Variants in AKAP7 observed in about 807,000 individuals in gnomAD.
The protein encoded by AKAP7 is A-kinase anchoring protein 7, also known as A kinase (PRKA) anchor protein 7.
AKAP7 carries 39 observed loss-of-function variants against 39.5 expected under a neutral mutation model. The ratio of observed to expected loss-of-function variants is 0.99; its 90% confidence interval spans 0.76 to 1.29. AKAP7 has a LOEUF of 1.29. Among genes scored for constraint, AKAP7 ranks in the 50% most tolerant of loss-of-function variants. The pLI is 0.00. For synonymous variants in AKAP7, 140 were observed against 139.1 expected, an observed-to-expected ratio of 1.01 and a Z score of -0.05; for missense variants, 414 against 407.7, an observed-to-expected ratio of 1.02 and a Z score of -0.13.
chr6:131,160,439 C>T (rs901356644), intron 3 of AKAP7, among the ~76,000 whole-genome samples: 4 of 152,192 alleles, frequency 2.6e-5, no homozygotes, highest in African/African-American at 9.7e-5. Flanking sequence ...AGTGCAGTGG[C>T]ACAGTCATAG....
intron 5 of AKAP7, among the ~76,000 whole-genome samples, chr6:131,188,291 G>T (rs1806062923): frequency 6.6e-6 from 1 of 152,206 alleles, no homozygotes; most frequent in Non-Finnish European, 1.5e-5. Flanking sequence ...TAAGCAGTAT[G>T]TGGATACAGG....
In AKAP7 at chr6:131,252,884, A is replaced by G. The variant is rs143475802; in HGVS notation, c.851-28646A>G. Among the ~76,000 whole-genome samples the G allele has an allele frequency of 6.0e-3, 907 of 152,326 alleles. 8 individuals are homozygous for G. The highest frequency in any genetic ancestry group is 9.2e-3 in the Non-Finnish European group (628 of 68,046). On this transcript the variant is annotated intron_variant, in intron 7 of 7. Coordinates refer to ENST00000431975, the MANE Select transcript of AKAP7 (RefSeq NM_016377.4). The stretch of plus-strand genomic sequence containing the variant: ...ATGTACTCCTTGAGCATCTACTAAA[A>G]GCAGAGCACAAAAATGTGAATACTC...
At chr6:131,173,494 G>A (rs1804281951) in intron 5 of AKAP7, among the ~76,000 whole-genome samples, 2 of 152,188 alleles carry the variant, frequency 1.3e-5, no homozygotes, top group South Asian at 2.1e-4. Context: ...TTATTATAGT[G>A]TATACTTCTT....
chr6:131,263,193 C>A (rs1434955432), intron 7 of AKAP7, among the ~76,000 whole-genome samples: 1 of 152,214 alleles, frequency 6.6e-6, no homozygotes, highest in Non-Finnish European at 1.5e-5. Context: ...ATGCAAACAA[C>A]ATGAAAGGGG....
At chr6:131,234,804 C>T (rs9492872) in intron 7 of AKAP7, among the ~76,000 whole-genome samples, 4,088 of 150,942 alleles carry the variant, frequency 0.027, 128 homozygotes, top group African/African-American at 0.074. Context: ...ATTACAGTGA[C>T]CCTGGTAGGC....
intron 7 of AKAP7, among the ~76,000 whole-genome samples, chr6:131,270,053 C>A (rs147360294): frequency 1.9e-4 from 29 of 152,270 alleles, no homozygotes; most frequent in African/African-American, 7.0e-4. Flanking sequence ...TGTCCCTCAT[C>A]ATGGGGAAGA....
intron 7 of AKAP7, among the ~76,000 whole-genome samples, chr6:131,266,057 C>A (rs1813773060): frequency 6.6e-6 from 1 of 152,172 alleles, no homozygotes; most frequent in African/African-American, 2.4e-5. Flanking sequence ...CAGCCCCTCA[C>A]CTCCAGAGAT....
chr6:131,263,412 T>C (rs890928460), intron 7 of AKAP7, among the ~76,000 whole-genome samples: 5 of 152,162 alleles, frequency 3.3e-5, no homozygotes, highest in Admixed American at 3.3e-4. Flanking sequence ...TCAAGGAGAA[T>C]GAGTTTCCCT....
chr6:131,280,147 A>G (rs1163632523), intron 7 of AKAP7, among the ~76,000 whole-genome samples: 2 of 152,140 alleles, frequency 1.3e-5, no homozygotes, highest in Admixed American at 1.3e-4. Flanking sequence ...CTGAGTTGAC[A>G]TTTACTCAAT....
rs892726852 is a variant in AKAP7 at position 131,202,569 on chromosome 6, G to A, written c.702+2996G>A. 2.9e-3 allele frequency among the ~76,000 whole-genome samples: 435 copies of A among 148,798 alleles called. 1 individual carries two copies. The highest frequency in any genetic ancestry group is 9.3e-3 in the African/African-American group (375 of 40,326). On this transcript the variant is annotated intron_variant, in intron 6 of 7. Coordinates refer to ENST00000431975, the MANE Select transcript of AKAP7 (RefSeq NM_016377.4). ...GGTGGGAATTGAACAATGAGAACAC[G>A]TGGACACAGGAAGGGGAACATCACA... is the stretch of plus-strand genomic sequence containing the variant.
intron 6 of AKAP7, among the ~76,000 whole-genome samples, chr6:131,216,682 C>T (rs1321988998): frequency 6.6e-6 from 1 of 152,036 alleles, no homozygotes; most frequent in Non-Finnish European, 1.5e-5. Context: ...CGTTTCTTAC[C>T]ACTATTTTAT....
intron 7 of AKAP7, among the ~76,000 whole-genome samples, chr6:131,269,473 A>G (rs1370862521): frequency 6.6e-6 from 1 of 152,214 alleles, no homozygotes; most frequent in Non-Finnish European, 1.5e-5. Flanking sequence ...TCCAACCTGA[A>G]CAAATACAGG....
intron 7 of AKAP7, among the ~76,000 whole-genome samples, chr6:131,229,544 T>TC (rs1184187207): frequency 6.6e-6 from 1 of 152,132 alleles, no homozygotes; most frequent in African/African-American, 2.4e-5. Context: ...AGACAGGGTT[T>TC]CACCACGTTG....
chr6:131,241,642 AG>A (rs1811634131), intron 7 of AKAP7, among the ~76,000 whole-genome samples: 1 of 54,588 alleles, frequency 1.8e-5, no homozygotes, highest in Non-Finnish European at 3.9e-5. Flanking sequence ...TATATATGAC[AG>A]TTATAGGATT....
chr6:131,237,719 G>A (rs1234470914), intron 7 of AKAP7, among the ~76,000 whole-genome samples: 1 of 152,022 alleles, frequency 6.6e-6, no homozygotes, highest in Non-Finnish European at 1.5e-5. Flanking sequence ...TTCTCTGATG[G>A]TAGTTTGTAT....
intron 6 of AKAP7, among the ~76,000 whole-genome samples, chr6:131,216,116 C>T (rs565243474): frequency 2.6e-5 from 4 of 152,258 alleles, no homozygotes; most frequent in South Asian, 2.1e-4. Context: ...AAAAATGTTT[C>T]GACCTTCTTA....
At chr6:131,205,534 T>G (rs1808011299) in intron 6 of AKAP7, among the ~76,000 whole-genome samples, 1 of 152,118 alleles carries the variant, frequency 6.6e-6, no homozygotes, top group Non-Finnish European at 1.5e-5. Context: ...AACTAAACAT[T>G]CAATATATTG....
intron 7 of AKAP7, among the ~76,000 whole-genome samples, chr6:131,255,155 G>A (rs753802982): frequency 7.9e-5 from 12 of 152,128 alleles, no homozygotes; most frequent in Non-Finnish European, 1.5e-4. Context: ...CCTTTCACAT[G>A]TCTGCTCTAT....
rs535014321 is a variant in AKAP7 at position 131,214,118 on chromosome 6, G to A, written c.703-5543G>A. ...GACGTGACTTGTGTTATTAGGAATC[G>A]TGTTGTCTTCCCTCTGTGACTGCTT... On this transcript the variant is annotated intron_variant, in intron 6 of 7. Coordinates refer to ENST00000431975, the MANE Select transcript of AKAP7 (RefSeq NM_016377.4). 1.3e-4 allele frequency among the ~76,000 whole-genome samples: 20 copies of A among 152,224 alleles called. No homozygotes were observed. The South Asian group carries it at 1.7e-3, about 13-fold the overall frequency.
Sources: allele counts gnomAD v4.1 joint callset (sites outside exome capture counted in the v4.1 genomes callset), GRCh38; gene constraint gnomAD v4.1.1; transcripts MANE v1.5; gene names NCBI Gene and HGNC (gene_info 2026-07-23, HGNC 2026-07-21).